CTNNA2: variants seen among roughly 807,000 people sequenced by gnomAD.
CTNNA2 encodes the protein catenin alpha-2.
Under a neutral mutation model 101.0 loss-of-function variants are expected in CTNNA2, and 42 were observed. The observed-to-expected ratio is 0.42, with a 90% CI of 0.32 to 0.54. The LOEUF (loss-of-function observed/expected upper bound fraction) is 0.54, where lower values mean the gene tolerates loss of function less well. Ranked by LOEUF, CTNNA2 falls within the 20% of genes least tolerant of loss-of-function variation. CTNNA2 has a pLI of 0.14. For missense variants in CTNNA2, 871 were observed against 1,223.1 expected, an observed-to-expected ratio of 0.71 and a Z score of 4.29; for synonymous variants, 450 against 456.4, an observed-to-expected ratio of 0.99 and a Z score of 0.18.
intron 7 of CTNNA2, among the ~76,000 whole-genome samples, chr2:80,090,568 A>G (rs1456000723): frequency 2.0e-5 from 3 of 152,040 alleles, no homozygotes; most frequent in Non-Finnish European, 4.4e-5. Context: ...GGCTCTTTCC[A>G]AATTGAGTTA....
In CTNNA2 at chr2:80,648,658, G is replaced by A. The variant is rs993259889; in HGVS notation, c.*786G>A. ...TAGAAGGCCCAGTGGTGGAATATTA[G>A]AGGGAAGGAAACTGACAACGTGTGA... On this transcript the variant is annotated 3_prime_UTR_variant, in exon 19 of 19. Transcript: ENST00000402739. 1 of 136,792 alleles carries A rather than the reference G, an allele frequency of 7.3e-6. No individual in the cohort carries two copies. The highest frequency in any genetic ancestry group is 1.7e-5 in the Non-Finnish European group (1 of 59,938). 8.5% of individuals were successfully genotyped at this position (136,792 alleles called of 1,614,324 possible). A position where few individuals can be genotyped will look rare whatever the true frequency, so the allele number is the denominator to read the frequency against.
chr2:79,759,998 C>T (rs184510618), intron 3 of CTNNA2, among the ~76,000 whole-genome samples: 520 of 152,184 alleles, frequency 3.4e-3, no homozygotes, highest in African/African-American at 0.011. Context: ...CATTTTAAGG[C>T]GGTATAGCAT....
chr2:79,781,652 A>T (rs868813814), intron 3 of CTNNA2, among the ~76,000 whole-genome samples: 13 of 152,198 alleles, frequency 8.5e-5, no homozygotes, highest in African/African-American at 3.1e-4. Flanking sequence ...CTTTATGTAA[A>T]GCTATCTGAA....
intron 7 of CTNNA2, among the ~76,000 whole-genome samples, chr2:80,257,637 C>A (rs1355133826): frequency 6.6e-6 from 1 of 152,142 alleles, no homozygotes; most frequent in East Asian, 1.9e-4. Flanking sequence ...TTCATCAATC[C>A]ATGGATGGTG....
chr2:80,213,514 T>C (rs1708046052), intron 7 of CTNNA2, among the ~76,000 whole-genome samples: 1 of 152,232 alleles, frequency 6.6e-6, no homozygotes, highest in Non-Finnish European at 1.5e-5. Context: ...TTCCACGTAG[T>C]TGAGCAGTTT....
chr2:79,293,273 A>G (rs1675876300), intron 2 of CTNNA2: 4 of 152,180 alleles, frequency 2.6e-5, no homozygotes, highest in Non-Finnish European at 4.4e-5. Context: ...AAATGTTTTC[A>G]TGAGGTATGT....
At chr2:79,234,997 T>C in intron 2 of CTNNA2, among the ~76,000 whole-genome samples, 1 of 152,168 alleles carries the variant, frequency 6.6e-6, no homozygotes, top group East Asian at 1.9e-4. Context: ...TTCCTTACCA[T>C]CCAGATTCTA....
intron 7 of CTNNA2, among the ~76,000 whole-genome samples, chr2:80,160,499 C>T (rs1704247431): frequency 6.6e-6 from 1 of 152,018 alleles, no homozygotes; most frequent in South Asian, 2.1e-4. Context: ...CCAACAAATT[C>T]TGTGTATGTT....
chr2:80,082,996 G>T (rs1038118027), intron 7 of CTNNA2, among the ~76,000 whole-genome samples: 1 of 152,006 alleles, frequency 6.6e-6, no homozygotes, highest in African/African-American at 2.4e-5. Flanking sequence ...AAAAAAGCAG[G>T]GGTATAGCTT....
intron 6 of CTNNA2, among the ~76,000 whole-genome samples, chr2:79,894,040 T>C (rs1159170916): frequency 7.5e-6 from 1 of 133,796 alleles, no homozygotes; most frequent in Non-Finnish European, 1.7e-5. Flanking sequence ...TTCTTCTTCT[T>C]CTTCTTCTTC....
intron 6 of CTNNA2, among the ~76,000 whole-genome samples, chr2:79,899,068 G>C (rs1264576200): frequency 6.6e-6 from 1 of 152,078 alleles, no homozygotes; most frequent in African/African-American, 2.4e-5. Flanking sequence ...TTAGTCAGCG[G>C]GTGGTAAATT....
intron 7 of CTNNA2, among the ~76,000 whole-genome samples, chr2:79,922,486 T>C (rs1686732729): frequency 6.6e-6 from 1 of 152,146 alleles, no homozygotes; most frequent in Non-Finnish European, 1.5e-5. Flanking sequence ...ATTAAAGAGA[T>C]GCTGATTCTC....
At chr2:79,659,557 T>A (rs1282432578) in intron 2 of CTNNA2, among the ~76,000 whole-genome samples, 1 of 152,226 alleles carries the variant, frequency 6.6e-6, no homozygotes. Flanking sequence ...ATGTTTGATC[T>A]AATTCATGTA....
chr2:79,652,887 T>G (rs979906821), intron 2 of CTNNA2, among the ~76,000 whole-genome samples: 2 of 152,178 alleles, frequency 1.3e-5, no homozygotes, highest in Non-Finnish European at 2.9e-5. Flanking sequence ...CATCTAAATT[T>G]CATCAGCTTA....
chr2:79,820,660 A>C lies in CTNNA2; in HGVS notation c.299-37353A>C, dbSNP rs556661922. 1.4e-3 allele frequency among the ~76,000 whole-genome samples: 211 copies of C among 152,340 alleles called. 1 individual carries two copies. The highest frequency in any genetic ancestry group is 1.1e-3 in the Non-Finnish European group (76 of 68,026). On this transcript the variant is annotated intron_variant, in intron 3 of 18. Coordinates refer to ENST00000402739, the MANE Select transcript of CTNNA2 (RefSeq NM_001282597.3). ...TTGAAAAGGGAAGGAAGGAAAAAGG[A>C]AGGAAAAGTTTGAAATTCACCATGT...
At chr2:80,273,346 T>A (rs1416675163) in intron 7 of CTNNA2, among the ~76,000 whole-genome samples, 1 of 152,112 alleles carries the variant, frequency 6.6e-6, no homozygotes, top group Admixed American at 6.6e-5. Context: ...TCTGTCCATT[T>A]CCTACCACAT....
Position 79,857,997 on chromosome 2 carries a change from C to T in CTNNA2, c.299-16C>T, listed in dbSNP as rs199694800. On this transcript the variant is annotated splice_polypyrimidine_tract_variant and intron_variant, in intron 3 of 18. Coordinates refer to ENST00000402739, the MANE Select transcript of CTNNA2 (RefSeq NM_001282597.3). The stretch of plus-strand genomic sequence containing the variant: ...CCTCTTGTCTACCCACCTGCCTCTC[C>T]GTGTCTGTCTTCCAGGTGAGACGAT... The T allele has an allele frequency of 1.7e-4, 269 of 1,604,288 alleles. No homozygotes were observed. In the African/African-American group the frequency reaches 3.0e-3, roughly 18 times the overall value.
chr2:79,561,781 C>A (rs1052536324), intron 1 of CTNNA2, among the ~76,000 whole-genome samples: 2 of 151,716 alleles, frequency 1.3e-5, no homozygotes, highest in African/African-American at 4.8e-5. Flanking sequence ...CTATTCAGAT[C>A]TTTGCCCATC....
intron 3 of CTNNA2, among the ~76,000 whole-genome samples, chr2:79,762,153 A>G (rs1246218745): frequency 1.3e-5 from 2 of 152,190 alleles, no homozygotes; most frequent in African/African-American, 4.8e-5. Context: ...GTTCTCTAAT[A>G]TTTCTTGGAA....
Sources: allele counts gnomAD v4.1 joint callset (sites outside exome capture counted in the v4.1 genomes callset), GRCh38; gene constraint gnomAD v4.1.1; transcripts MANE v1.5; gene names NCBI Gene and HGNC (gene_info 2026-07-23, HGNC 2026-07-21).